The following TNNI3K variants were observed in gnomAD, a reference collection of about 807,000 sequenced individuals.
TNNI3K encodes the protein serine/threonine-protein kinase TNNI3K.
Under a neutral mutation model 114.5 loss-of-function variants are expected in TNNI3K, and 140 were observed. That is an observed-to-expected ratio of 1.22 (90% confidence interval 1.07 to 1.41). The LOEUF is 1.41. TNNI3K is among the 40% of genes most tolerant of loss of function. TNNI3K has a pLI of 0.00. For missense variants in TNNI3K, 1,125 were observed against 1,007.6 expected, an observed-to-expected ratio of 1.12 and a Z score of -1.58; for synonymous variants, 347 against 347.5, an observed-to-expected ratio of 1.00 and a Z score of 0.02.
rs992210489 is a variant in TNNI3K at position 74,257,884 on chromosome 1, G to C, written c.333+7115G>C. Among the ~76,000 whole-genome samples the C allele has an allele frequency of 3.3e-5, 5 of 152,060 alleles. No homozygotes were observed. The East Asian group carries it at 9.7e-4, about 30-fold the overall frequency. ...GGGTTTCACCATGTTAGCCAGGATG[G>C]TCTCGATCTCCTGACCTTGTGATCC... On this transcript the variant is annotated intron_variant, in intron 4 of 24. Transcript: ENST00000326637.
chr1:74,253,583 G>T (rs1216324423), intron 4 of TNNI3K, among the ~76,000 whole-genome samples: 1 of 152,096 alleles, frequency 6.6e-6, no homozygotes, highest in East Asian at 1.9e-4. Flanking sequence ...CTGCTGGCCC[G>T]GGTGCTAATC....
At chr1:74,406,298 A>T (rs1212758881) in intron 17 of TNNI3K, among the ~76,000 whole-genome samples, 1 of 152,204 alleles carries the variant, frequency 6.6e-6, no homozygotes, top group Non-Finnish European at 1.5e-5. Context: ...AAACTTTCTT[A>T]AAACATTACG....
intron 5 of TNNI3K, among the ~76,000 whole-genome samples, chr1:74,325,526 A>C (rs945180219): frequency 1.3e-5 from 2 of 152,194 alleles, no homozygotes; most frequent in Non-Finnish European, 2.9e-5. Flanking sequence ...CTTATATTCA[A>C]AATGAATCCT....
chr1:74,532,622 C>T (rs1646604278), intron 23 of TNNI3K, among the ~76,000 whole-genome samples: 1 of 151,792 alleles, frequency 6.6e-6, no homozygotes, highest in African/African-American at 2.4e-5. Context: ...CTATCCCTCC[C>T]CCCTCGCCCC....
At chr1:74,412,391 C>G (rs1664923930) in intron 17 of TNNI3K, among the ~76,000 whole-genome samples, 1 of 152,104 alleles carries the variant, frequency 6.6e-6, no homozygotes, top group Non-Finnish European at 1.5e-5. Flanking sequence ...AAACACGACA[C>G]AAGCAGAGGC....
intron 9 of TNNI3K, among the ~76,000 whole-genome samples, chr1:74,347,439 T>A (rs1322186527): frequency 6.6e-6 from 1 of 152,136 alleles, no homozygotes; most frequent in Non-Finnish European, 1.5e-5. Context: ...TTTGCTATTG[T>A]GAATAGTGCC....
chr1:74,450,932 A>G (rs535141186), intron 20 of TNNI3K, among the ~76,000 whole-genome samples: 30 of 152,346 alleles, frequency 2.0e-4, no homozygotes, highest in African/African-American at 6.5e-4. Context: ...ATTCTATTAT[A>G]AAGATACAGG....
chr1:74,530,661 G>T (rs549485857), intron 23 of TNNI3K, among the ~76,000 whole-genome samples: 1 of 152,134 alleles, frequency 6.6e-6, no homozygotes, highest in East Asian at 1.9e-4. Context: ...AAGATGGTAG[G>T]TGGGAAAATG....
chr1:74,432,959 G>A (rs1177746058), intron 17 of TNNI3K, among the ~76,000 whole-genome samples: 2 of 151,884 alleles, frequency 1.3e-5, no homozygotes, highest in Non-Finnish European at 2.9e-5. Context: ...CTGTAAAATA[G>A]GTATGCTAAT....
chr1:74,341,804 C>T (rs946674812), intron 7 of TNNI3K: 2 of 152,094 alleles, frequency 1.3e-5, no homozygotes, highest in Admixed American at 1.3e-4. Context: ...CTGATGCCAA[C>T]AATGCAGGGC....
At chr1:74,487,210 A>C (rs72971710) in intron 21 of TNNI3K, among the ~76,000 whole-genome samples, 11,367 of 151,106 alleles carry the variant, frequency 0.075, 996 homozygotes, top group African/African-American at 0.22. Context: ...TGAACGATGC[A>C]AAAAAAAATG....
At chr1:74,472,894 T>C (rs1045174756) in intron 21 of TNNI3K, among the ~76,000 whole-genome samples, 1 of 152,092 alleles carries the variant, frequency 6.6e-6, no homozygotes, top group Admixed American at 6.6e-5. Flanking sequence ...TTTAAATGTC[T>C]GCCTGCAAAT....
intron 23 of TNNI3K, among the ~76,000 whole-genome samples, chr1:74,509,183 T>C (rs1670056334): frequency 6.6e-6 from 1 of 152,220 alleles, no homozygotes; most frequent in African/African-American, 2.4e-5. Flanking sequence ...AGCTTTTCCT[T>C]ACTTATTTAC....
intron 11 of TNNI3K, among the ~76,000 whole-genome samples, chr1:74,356,716 T>C (rs1420560986): frequency 6.6e-6 from 1 of 152,220 alleles, no homozygotes; most frequent in Non-Finnish European, 1.5e-5. Flanking sequence ...TTCATGGAAT[T>C]CCACACTTCT....
Position 74,236,353 on chromosome 1 carries a change from C to T in TNNI3K, c.149+143C>T, listed in dbSNP as rs1653859595. The T allele has an allele frequency of 8.4e-6, 5 of 592,778 alleles. No individual in the cohort carries two copies. In the South Asian group the frequency reaches 1.2e-4, roughly 14 times the overall value. The allele number at this position is 592,778 out of a possible 1,614,324, so 36.7% of individuals were successfully genotyped here. On this transcript the variant is annotated intron_variant, in intron 2 of 24. Coordinates refer to ENST00000326637, the MANE Select transcript of TNNI3K (RefSeq NM_015978.3). ...TAAGCCTTAGGATGTCAGATTATCT[C>T]TCTTTGACCACTCATATAGCTCTCA...
intron 5 of TNNI3K, 50 bp downstream of exon 5, chr1:74,271,758 GGTT>G (rs1656367894): frequency 2.0e-6 from 3 of 1,470,160 alleles, no homozygotes; most frequent in Non-Finnish European, 2.8e-6. Context: ...TTACCTTTTC[GGTT>G]GTTGTTCTTA....
At chr1:74,430,390 A>G (rs1235121873) in intron 17 of TNNI3K, among the ~76,000 whole-genome samples, 1 of 152,140 alleles carries the variant, frequency 6.6e-6, no homozygotes, top group Non-Finnish European at 1.5e-5. Flanking sequence ...GAACCAGCAG[A>G]ATTTAACTTC....
chr1:74,301,220 T>C (rs1658312239), intron 5 of TNNI3K, among the ~76,000 whole-genome samples: 2 of 152,014 alleles, frequency 1.3e-5, no homozygotes, highest in Admixed American at 1.3e-4. Flanking sequence ...GCCAACATGG[T>C]GAAACCCTGT....
chr1:74,451,688 TTTCTTTC>T lies in TNNI3K; in HGVS notation c.2012-11750_2012-11744del, dbSNP rs1347616337. ...TTTTCTTTTCTTTTCTTTTCTTTTC[TTTCTTTC>T]TTTCTTTCTTTCTTTCTTTCTTTCT... On this transcript the variant is annotated intron_variant, in intron 20 of 24. Transcript: ENST00000326637. Among the ~76,000 whole-genome samples, 266 of 34,254 alleles carry T rather than the reference TTTCTTTC, an allele frequency of 7.8e-3. 2 individuals carry two copies. The highest frequency in any genetic ancestry group is 0.013 in the African/African-American group (177 of 13,400). 22.5% of individuals were successfully genotyped at this position (34,254 alleles called of 152,430 possible). A position where few individuals can be genotyped will look rare whatever the true frequency, so the allele number is the denominator to read the frequency against.
Sources: allele counts gnomAD v4.1 joint callset (sites outside exome capture counted in the v4.1 genomes callset), GRCh38; gene constraint gnomAD v4.1.1; transcripts MANE v1.5; gene names NCBI Gene and HGNC (gene_info 2026-07-23, HGNC 2026-07-21).